CELF2: variants seen among roughly 807,000 people sequenced by gnomAD.
CELF2 encodes CUG triplet repeat RNA-binding protein 2.
CELF2 carries 8 observed loss-of-function variants against 62.6 expected under a neutral mutation model. The ratio of observed to expected loss-of-function variants is 0.13; its 90% CI spans 0.07 to 0.23. The LOEUF is 0.23. Among genes scored for constraint, CELF2 ranks in the 10% least tolerant of loss-of-function variants. The pLI is 1.00. For missense variants in CELF2, 333 were observed against 671.0 expected (o/e 0.50, Z 5.56); for synonymous variants, 258 against 250.0 (o/e 1.03, Z -0.30).
intron 1 of CELF2, among the ~76,000 whole-genome samples, chr10:11,132,585 G>C (rs890159694): frequency 6.6e-6 from 1 of 152,100 alleles, no homozygotes; most frequent in Non-Finnish European, 1.5e-5. Flanking sequence ...CAATGAAATT[G>C]TCTTTGTGTT....
chr10:11,197,002 GAGAAAGAAAGAAAGAAAGAA>G (rs1375486505), intron 2 of CELF2, among the ~76,000 whole-genome samples: 2 of 13,858 alleles, frequency 1.4e-4, no homozygotes, highest in African/African-American at 6.0e-4. Flanking sequence ...AGGAAGGAAG[GAGAAAGAAAGAAAGAAAGAA>G]AGAAAAGAAA....
chr10:10,584,798 G>A, the CELF2 span, among the ~76,000 whole-genome samples: 198 of 152,260 alleles, frequency 1.3e-3, no homozygotes, highest in Admixed American at 1.8e-3. Flanking sequence ...GAAAGTCACA[G>A]GAGCCTGTTG....
chr10:10,627,033 T>G, the CELF2 span, among the ~76,000 whole-genome samples: 1 of 152,140 alleles, frequency 6.6e-6, no homozygotes, highest in Non-Finnish European at 1.5e-5. Flanking sequence ...CACTGCTAAG[T>G]GGCTGCTGTA....
rs901739142 is a variant in CELF2 at position 11,207,760 on chromosome 10, G to T, written c.272-9665G>T. Among the ~76,000 whole-genome samples, 1 of 152,194 alleles carries T rather than the reference G, an allele frequency of 6.6e-6. No individual in the cohort carries two copies. Among genetic ancestry groups the T allele is most frequent in the Admixed American group, 6.5e-5 (1 of 15,286 alleles). On this transcript the variant is annotated intron_variant, in intron 2 of 12. Coordinates refer to ENST00000633077, the MANE Select transcript of CELF2 (RefSeq NM_001326342.2). The surrounding 1 kb of genome is among the most constrained non-coding windows in gnomAD (Gnocchi z 4.1). ...CAGATGGTGATACCGCTGACATCAG[G>T]GTGCCAATTATATCAAACTCTATAA...
rs2064806143 is a variant in CELF2 at position 11,157,644 on chromosome 10, C to CTATTT, written c.75-7841_75-7840insATTTT. 6.6e-6 allele frequency among the ~76,000 whole-genome samples: 1 copy of CTATTT among 152,198 alleles called. No individual in the cohort carries two copies. Among genetic ancestry groups the CTATTT allele is most frequent in the Non-Finnish European group, 1.5e-5 (1 of 68,036 alleles). The stretch of plus-strand genomic sequence containing the variant: ...ATGACCTATTTTTCAGCTCTCTCAC[C>CTATTT]TTCAAACCTACCACTGTGCCTGACA... On this transcript the variant is annotated intron_variant, in intron 1 of 12. Transcript: ENST00000633077. The surrounding 1 kb of genome is among the most constrained non-coding windows in gnomAD (Gnocchi z 4.9).
the CELF2 span, among the ~76,000 whole-genome samples, chr10:10,774,596 G>A: frequency 4.6e-5 from 7 of 152,176 alleles, no homozygotes; most frequent in African/African-American, 9.7e-5. Flanking sequence ...CTTGCCTTCC[G>A]CGATGACTGT....
At chr10:11,061,246 G>A (rs535262877) in intron 1 of CELF2, among the ~76,000 whole-genome samples, 24 of 152,320 alleles carry the variant, frequency 1.6e-4, no homozygotes, top group African/African-American at 5.8e-4. Flanking sequence ...GAAAATTGAA[G>A]TGGTCTGGAT....
chr10:10,575,663 A>G, the CELF2 span, among the ~76,000 whole-genome samples: 25 of 152,306 alleles, frequency 1.6e-4, no homozygotes, highest in African/African-American at 5.5e-4. Context: ...CCCTCTGGCT[A>G]CTGAGGTCAT....
chr10:10,527,934 T>C, the CELF2 span, among the ~76,000 whole-genome samples: 1 of 152,192 alleles, frequency 6.6e-6, no homozygotes, highest in African/African-American at 2.4e-5. Context: ...ACAGAGCTTT[T>C]TCATTTCATT....
chr10:10,935,051 A>C (rs1307864227), intron 2 of CELF2: 1 of 152,142 alleles, frequency 6.6e-6, no homozygotes, highest in Non-Finnish European at 1.5e-5. Context: ...TTGACCACCC[A>C]CCTCAATTGC....
rs756707484 is a variant in CELF2 at position 11,078,251 on chromosome 10, GT to G, written c.74+60089del. On this transcript the variant is annotated intron_variant, in intron 1 of 12. Transcript: ENST00000633077. The stretch of plus-strand genomic sequence containing the variant: ...TCCTTGTATTATCCTAAAGGAAGTG[GT>G]GGGGGGCGGAATGTATGCAATGGGA... Among the ~76,000 whole-genome samples, 119 of 151,948 alleles carry G rather than the reference GT, an allele frequency of 7.8e-4. 2 individuals are homozygous for G. Among genetic ancestry groups the G allele is most frequent in the Non-Finnish European group, 1.5e-3 (101 of 67,986 alleles).
chr10:10,683,787 A>G, the CELF2 span, among the ~76,000 whole-genome samples: 1 of 152,334 alleles, frequency 6.6e-6, no homozygotes, highest in Non-Finnish European at 1.5e-5. Flanking sequence ...GTGTTCATTA[A>G]TATTAGGATT....
the CELF2 span, among the ~76,000 whole-genome samples, chr10:10,733,162 C>T: frequency 6.6e-6 from 1 of 152,082 alleles, no homozygotes; most frequent in African/African-American, 2.4e-5. Flanking sequence ...AGCTTCGGCC[C>T]CCACATTCTA....
At chr10:10,745,232 G>A in the CELF2 span, among the ~76,000 whole-genome samples, 19 of 152,078 alleles carry the variant, frequency 1.2e-4, no homozygotes, top group African/African-American at 3.6e-4. Flanking sequence ...ATCATCACTC[G>A]GCAAGCAAGC....
intron 2 of CELF2, among the ~76,000 whole-genome samples, chr10:11,181,551 C>T (rs2134037357): frequency 6.6e-6 from 1 of 152,354 alleles, no homozygotes; most frequent in African/African-American, 2.4e-5. Context: ...TGTGGCCTTT[C>T]AGCATCCAGT....
intron 3 of CELF2, among the ~76,000 whole-genome samples, chr10:11,221,342 T>C (rs537941822): frequency 6.6e-6 from 1 of 152,336 alleles, no homozygotes; most frequent in East Asian, 1.9e-4. Flanking sequence ...CAGAGGGACA[T>C]CTTTGTCAAG....
the CELF2 span, among the ~76,000 whole-genome samples, chr10:10,736,709 G>T: frequency 2.6e-5 from 4 of 152,106 alleles, no homozygotes; most frequent in South Asian, 8.3e-4. Context: ...AATGTTTTTA[G>T]CTTTCCTAGT....
At chr10:10,945,715 G>A (rs1346637967) in intron 2 of CELF2, among the ~76,000 whole-genome samples, 1 of 152,200 alleles carries the variant, frequency 6.6e-6, no homozygotes, top group East Asian at 1.9e-4. Context: ...GACAGTCACT[G>A]GCATGAGCCC....
chr10:10,582,683 T>C, the CELF2 span, among the ~76,000 whole-genome samples: 11 of 152,334 alleles, frequency 7.2e-5, no homozygotes, highest in Non-Finnish European at 7.3e-5. Context: ...CTCTGAGCTA[T>C]ACTAGCTGGT....
Sources: allele counts gnomAD v4.1 joint callset (sites outside exome capture counted in the v4.1 genomes callset), GRCh38; gene constraint gnomAD v4.1.1; non-coding constraint Gnocchi (gnomAD v3.1); transcripts MANE v1.5; gene names NCBI Gene and HGNC (gene_info 2026-07-23, HGNC 2026-07-21).